KIAA0232: variants seen among roughly 807,000 people sequenced by gnomAD.
KIAA0232 encodes uncharacterized protein KIAA0232.
KIAA0232 carries 27 observed loss-of-function variants against 122.0 expected under a neutral mutation model. That is an observed-to-expected ratio of 0.22 (90% CI 0.16 to 0.31). The LOEUF (loss-of-function observed/expected upper bound fraction) is 0.31. Among genes scored for constraint, KIAA0232 ranks in the 10% least tolerant of loss-of-function variants. The pLI, the probability that KIAA0232 is intolerant of heterozygous loss-of-function variation, is 1.00. For missense variants in KIAA0232, 1,551 were observed against 1,634.2 expected (o/e 0.95, Z 0.88); for synonymous variants, 613 against 587.6 (o/e 1.04, Z -0.63).
chr4:6,832,467 GCCAC>G (rs1303735616), intron 3 of KIAA0232, among the ~76,000 whole-genome samples: 1 of 151,306 alleles, frequency 6.6e-6, no homozygotes, highest in Non-Finnish European at 1.5e-5. Flanking sequence ...TCCTGCCTCA[GCCAC>G]CCGAGTAGCT....
intron 2 of KIAA0232, among the ~76,000 whole-genome samples, chr4:6,813,342 C>G (rs1028608858): frequency 6.6e-6 from 1 of 150,600 alleles, no homozygotes; most frequent in East Asian, 1.9e-4. Flanking sequence ...AATTTAAGTA[C>G]TTAGATCTGT....
chr4:6,787,018 T>C (rs1335326586), intron 1 of KIAA0232, among the ~76,000 whole-genome samples: 6 of 151,818 alleles, frequency 4.0e-5, no homozygotes, highest in African/African-American at 1.5e-4. Flanking sequence ...CCATCTCTAC[T>C]AAAAATACAA....
chr4:6,823,729 A>AG (rs1718527212), intron 2 of KIAA0232, among the ~76,000 whole-genome samples: 1 of 152,170 alleles, frequency 6.6e-6, no homozygotes, highest in African/African-American at 2.4e-5. Flanking sequence ...GATAGCAAAA[A>AG]AAAAAAAAAT....
chr4:6,791,393 A>G (rs1716888451), intron 1 of KIAA0232, among the ~76,000 whole-genome samples: 2 of 122,220 alleles, frequency 1.6e-5, no homozygotes, highest in Non-Finnish European at 3.1e-5. Context: ...TGGCACAATT[A>G]TGGCTCACTG....
At position 6,848,428 on chromosome 4, in the gene KIAA0232, G is replaced by A. The variant is rs556515072; in HGVS notation, c.369+6224G>A. Among the ~76,000 whole-genome samples, 6 of 152,280 alleles carry A rather than the reference G, an allele frequency of 3.9e-5. No individual in the cohort carries two copies. In the South Asian group the frequency reaches 8.3e-4, roughly 21 times the overall value. ...AATATTTGGAAAAAAATGGATGATT[G>A]TGTCTGTGCTGAACACATACAGACT... On this transcript the variant is annotated intron_variant, in intron 4 of 9. Transcript: ENST00000307659.
At chr4:6,856,309 T>C (rs780461158) in intron 4 of KIAA0232, among the ~76,000 whole-genome samples, 2 of 152,206 alleles carry the variant, frequency 1.3e-5, no homozygotes. Context: ...CCAGTTTAAA[T>C]AGGACTTTGG....
intron 1 of KIAA0232, among the ~76,000 whole-genome samples, chr4:6,783,263 C>T (rs929783916): frequency 1.3e-5 from 2 of 152,204 alleles, no homozygotes; most frequent in Admixed American, 1.3e-4. Flanking sequence ...GGCCCTGGGA[C>T]CCCCGCCCCG....
rs1427266144 is a variant in KIAA0232, at chr4:6,861,499, A to G, written c.1117A>G (p.Ile373Val). 2 of 1,614,174 alleles carry G rather than the reference A, an allele frequency of 1.2e-6. No individual in the cohort carries two copies. Among genetic ancestry groups the G allele is most frequent in the East Asian group, 2.2e-5 (1 of 44,884 alleles). The change falls in exon 7 of 10, where the codon ATA becomes GTA. Residue 373 changes from isoleucine (I) to valine (V), a missense_variant. By Grantham distance (29) the Ile-to-Val change is conservative (BLOSUM62 3). Coordinates refer to ENST00000307659, the MANE Select transcript of KIAA0232 (RefSeq NM_014743.3). ...GCGGGGTAAGAGACCTTTAAAAGAA[A>G]TAGGGAGAAAAGATCCTGGGAGCAC... is the stretch of plus-strand genomic sequence containing the variant. ...CKRGKRPLKE[I>V]GRKDPGSTEG...
Position 6,884,153 on chromosome 4 carries a change from A to G in KIAA0232, c.*3187A>G, listed in dbSNP as rs1046512975. 28 of 152,240 alleles carry G rather than the reference A, an allele frequency of 1.8e-4. No homozygotes were observed. Among genetic ancestry groups the G allele is most frequent in the Non-Finnish European group, 3.1e-4 (21 of 68,040 alleles). The allele number at this position is 152,240 out of a possible 1,614,324, so 9.4% of individuals were successfully genotyped here. ...ATGGAATTAAAAGAAAAATAAAAAAATATAAACTTTATTTCTCAACATAAG... is the reference window on the plus strand; with the variant it reads ...ATGGAATTAAAAGAAAAATAAAAAAGTATAAACTTTATTTCTCAACATAAG... On this transcript the variant is annotated 3_prime_UTR_variant, in exon 10 of 10. Coordinates refer to ENST00000307659, the MANE Select transcript of KIAA0232 (RefSeq NM_014743.3).
intron 3 of KIAA0232, among the ~76,000 whole-genome samples, chr4:6,828,727 C>T (rs980546072): frequency 9.9e-5 from 15 of 152,244 alleles, no homozygotes; most frequent in Non-Finnish European, 1.5e-4. Flanking sequence ...CGAAGTGACT[C>T]GTTGTTTACG....
chr4:6,841,964 G>A, intron 3 of KIAA0232, 103 bp from the exon 4 acceptor site: 1 of 1,310,464 alleles, frequency 7.6e-7, no homozygotes, highest in Non-Finnish European at 1.1e-6. Flanking sequence ...AAACTCGTAT[G>A]GAAATGCAAG....
intron 2 of KIAA0232, among the ~76,000 whole-genome samples, chr4:6,812,871 T>C (rs1019559789): frequency 1.3e-5 from 2 of 152,194 alleles, no homozygotes; most frequent in Non-Finnish European, 2.9e-5. Flanking sequence ...ATAGTATTTA[T>C]GCAGCCATGT....
intron 4 of KIAA0232, among the ~76,000 whole-genome samples, chr4:6,846,828 C>T (rs999331748): frequency 1.3e-5 from 2 of 152,044 alleles, no homozygotes; most frequent in African/African-American, 2.4e-5. Context: ...TTATAATGCA[C>T]AATTTTATTT....
At chr4:6,792,884 G>A (rs183841031) in intron 1 of KIAA0232, among the ~76,000 whole-genome samples, 3 of 151,976 alleles carry the variant, frequency 2.0e-5, no homozygotes, top group East Asian at 1.9e-4. Context: ...TAGAGACGGG[G>A]TTTCACCATG....
chr4:6,858,357 T>G lies in KIAA0232; in HGVS notation c.437-68T>G, dbSNP rs16839396. The G allele has an allele frequency of 3.8e-3, 3,528 of 932,736 alleles. 59 individuals carry two copies. The African/African-American group carries it at 0.039, about 10-fold the overall frequency. The allele number at this position is 932,736 out of a possible 1,614,324, so 57.8% of individuals were successfully genotyped here. A position where few individuals can be genotyped will look rare whatever the true frequency, so the allele number is the denominator to read the frequency against. On this transcript the variant is annotated intron_variant, in intron 5 of 9. Transcript: ENST00000307659. ...TTCTTGTTAAAATTAGTTGAGAAAC[T>G]TTGAAATACATTAGCATTTATTAAC...
intron 2 of KIAA0232, among the ~76,000 whole-genome samples, chr4:6,818,989 T>C (rs946061349): frequency 2.6e-5 from 4 of 152,134 alleles, no homozygotes; most frequent in African/African-American, 9.7e-5. Flanking sequence ...GGACTCCCTA[T>C]TCAATAAATG....
chr4:6,788,285 C>T (rs768697665), intron 1 of KIAA0232, among the ~76,000 whole-genome samples: 2 of 152,010 alleles, frequency 1.3e-5, no homozygotes, highest in Non-Finnish European at 2.9e-5. Context: ...CCGAAAGTGC[C>T]GAGATTATAA....
intron 1 of KIAA0232, among the ~76,000 whole-genome samples, chr4:6,800,506 A>G (rs1211127745): frequency 6.7e-6 from 1 of 150,290 alleles, no homozygotes; most frequent in Non-Finnish European, 1.5e-5. Flanking sequence ...ACATGGAGAA[A>G]CCCCATCTCT....
intron 4 of KIAA0232, among the ~76,000 whole-genome samples, chr4:6,854,509 T>C (rs1176123365): frequency 6.6e-6 from 1 of 152,240 alleles, no homozygotes; most frequent in Non-Finnish European, 1.5e-5. Context: ...AGCCAGTGCA[T>C]GGTAAACTAG....
Sources: allele counts gnomAD v4.1 joint callset (sites outside exome capture counted in the v4.1 genomes callset), GRCh38; gene constraint gnomAD v4.1.1; transcripts MANE v1.5; gene names NCBI Gene and HGNC (gene_info 2026-07-23, HGNC 2026-07-21).